The following POLD1 variants were observed in gnomAD, a reference collection of about 807,000 sequenced individuals.
POLD1 encodes DNA polymerase delta 1, catalytic subunit.
Under a neutral mutation model 129.7 loss-of-function variants are expected in POLD1, and 79 were observed. The ratio of observed to expected loss-of-function variants is 0.61; its 90% CI spans 0.51 to 0.73. The LOEUF is 0.73. Ranked by LOEUF, POLD1 falls within the 30% of genes least tolerant of loss-of-function variation. The probability of loss-of-function intolerance (pLI) is 0.00; values close to 1 mark genes in which losing one functional copy is unlikely to be tolerated. For missense variants in POLD1, 1,338 were observed against 1,595.8 expected (o/e 0.84, Z 2.75); for synonymous variants, 714 against 683.3 (o/e 1.04, Z -0.70).
At chr19:50,395,618 C>T (rs2038331633) in intron 1 of POLD1, among the ~76,000 whole-genome samples, 1 of 152,012 alleles carries the variant, frequency 6.6e-6, no homozygotes, top group African/African-American at 2.4e-5. Context: ...AGAACACCTG[C>T]ACGCCCTTTG....
At chr19:50,394,172 C>CTG (rs1323280767) in intron 1 of POLD1, 1 of 152,262 alleles carries the variant, frequency 6.6e-6, no homozygotes, top group South Asian at 2.1e-4. Context: ...GTTCCAGCCA[C>CTG]TGTGACGGGG....
rs375365167 is a variant in POLD1, at chr19:50,399,056, A to G, written c.202+3A>G. The G allele has an allele frequency of 9.0e-6, 14 of 1,551,710 alleles. No homozygotes were observed. The highest frequency in any genetic ancestry group is 1.2e-5 in the Non-Finnish European group (14 of 1,147,596). On this transcript the variant is annotated splice_donor_region_variant and intron_variant, in intron 2 of 26. Transcript: ENST00000440232. Reference sequence around the variant, plus strand: ...AGTCCTGGAGGGGGTTGCAGACGGTAAGGCTTGGAGTTGGAGGTTCCTGCT... The same window carrying G: ...AGTCCTGGAGGGGGTTGCAGACGGTGAGGCTTGGAGTTGGAGGTTCCTGCT...
intron 1 of POLD1, among the ~76,000 whole-genome samples, chr19:50,394,796 T>C (rs1433132283): frequency 1.3e-5 from 2 of 152,134 alleles, no homozygotes; most frequent in African/African-American, 2.4e-5. Flanking sequence ...AGTAATCCCC[T>C]CTGTCTCAGC....
At position 50,406,636 on chromosome 19, in the gene POLD1, G is replaced by A. The variant is rs1157498742; in HGVS notation, c.1494+119G>A. Reference sequence around the variant, plus strand: ...ACCTCACTCTTTGACCTGCTGTTATGACCTGTGACCTTACCTGACGCCCAC... The same window carrying A: ...ACCTCACTCTTTGACCTGCTGTTATAACCTGTGACCTTACCTGACGCCCAC... On this transcript the variant is annotated intron_variant, in intron 12 of 26. Coordinates refer to ENST00000440232, the MANE Select transcript of POLD1 (RefSeq NM_002691.4). This position sits in a 1 kb window ranked among gnomAD's most constrained non-coding sequence, Gnocchi z 5.5. The A allele has an allele frequency of 6.7e-6, 5 of 748,304 alleles. No homozygotes were observed. The highest frequency in any genetic ancestry group is 4.5e-6 in the Non-Finnish European group (2 of 440,210). The allele number at this position is 748,304 out of a possible 1,614,324, so 46.4% of individuals were successfully genotyped here. A position where few individuals can be genotyped will look rare whatever the true frequency, so the allele number is the denominator to read the frequency against.
At position 50,402,390 on chromosome 19, in the gene POLD1, A is replaced by G; in HGVS notation, c.758+17A>G. On this transcript the variant is annotated intron_variant, in intron 6 of 26. Coordinates refer to ENST00000440232, the MANE Select transcript of POLD1 (RefSeq NM_002691.4). The stretch of plus-strand genomic sequence containing the variant: ...TGAGATCCGGTACGGCCTCTGCCTC[A>G]CTTCTCCGGCCTCTATCCCCACCCT... 1 of 1,613,168 alleles carries G rather than the reference A, an allele frequency of 6.2e-7. No homozygotes were observed. Among genetic ancestry groups the G allele is most frequent in the Non-Finnish European group, 8.5e-7 (1 of 1,179,420 alleles).
At chr19:50,416,869 C>G (rs1448053373) in intron 24 of POLD1, 146 bp downstream of exon 24, 5 of 948,932 alleles carry the variant, frequency 5.3e-6, no homozygotes, top group Admixed American at 2.8e-5. Flanking sequence ...CCACCCCCCA[C>G]AGAGGGTCCT....
intron 23 of POLD1, 22 bp from the exon 24 acceptor site, chr19:50,416,588 C>A (rs2122494550): frequency 6.5e-7 from 1 of 1,549,444 alleles, no homozygotes; most frequent in Non-Finnish European, 8.7e-7. Context: ...CACCGGCCCA[C>A]CACCTGCCTC....
chr19:50,398,110 G>A (rs1292689826), intron 1 of POLD1, among the ~76,000 whole-genome samples: 2 of 152,086 alleles, frequency 1.3e-5, no homozygotes, highest in Non-Finnish European at 2.9e-5. Context: ...CTGACCACCG[G>A]GGAGCCTGGG....
rs1429055989 is a variant in POLD1, at chr19:50,387,854, A to G, written c.-2+3464A>G. The G allele has an allele frequency of 2.6e-5, 4 of 152,490 alleles. No homozygotes were observed. The East Asian group carries it at 5.8e-4, about 22-fold the overall frequency. 9.4% of individuals were successfully genotyped at this position (152,490 alleles called of 1,614,324 possible). On this transcript the variant is annotated intron_variant, in intron 1 of 26. Coordinates refer to ENST00000440232, the MANE Select transcript of POLD1 (RefSeq NM_002691.4). ...TCACCCAAAGAGCACAAACGCAGTC[A>G]AAGTCTTCCTCACACAAAACCCCCT...
intron 1 of POLD1, among the ~76,000 whole-genome samples, chr19:50,386,944 G>A (rs2123704019): frequency 6.6e-6 from 1 of 152,354 alleles, no homozygotes; most frequent in South Asian, 2.1e-4. Flanking sequence ...TGTAATCCCA[G>A]CACTTTGGGA....
chr19:50,410,333 C>T (rs1483882963), intron 17 of POLD1, among the ~76,000 whole-genome samples: 1 of 152,070 alleles, frequency 6.6e-6, no homozygotes, highest in Non-Finnish European at 1.5e-5. Flanking sequence ...CATTCCAGGC[C>T]AGTAGTTGTG....
Position 50,407,319 on chromosome 19 carries a change from C to T in POLD1, c.1687-8C>T. On this transcript the variant is annotated splice_region_variant and splice_polypyrimidine_tract_variant and intron_variant, in intron 13 of 26. Coordinates refer to ENST00000440232, the MANE Select transcript of POLD1 (RefSeq NM_002691.4). The stretch of plus-strand genomic sequence containing the variant: ...ACCCACTCCATTTCCCACCTTCTCC[C>T]CTCCCAGGCCATGCACGAGGGGCTG... 1 of 1,610,514 alleles carries T rather than the reference C, an allele frequency of 6.2e-7. No individual in the cohort carries two copies. Among genetic ancestry groups the T allele is most frequent in the Non-Finnish European group, 8.5e-7 (1 of 1,177,774 alleles).
rs3218764 is a variant in POLD1 at position 50,406,148 on chromosome 19, G to T, written c.1243-34G>T. 1.9e-6 allele frequency: 3 copies of T among 1,600,294 alleles called. No individual in the cohort carries two copies. The highest frequency in any genetic ancestry group is 2.6e-6 in the Non-Finnish European group (3 of 1,170,694). ...CTTCAGGCTTATGTGACGGGGACCCGCAGCCTGCTGCACACCCTGCCTCTC... is the reference window on the plus strand; with the variant it reads ...CTTCAGGCTTATGTGACGGGGACCCTCAGCCTGCTGCACACCCTGCCTCTC... On this transcript the variant is annotated intron_variant, in intron 10 of 26. Transcript: ENST00000440232. The surrounding 1 kb of genome is among the most constrained non-coding windows in gnomAD (Gnocchi z 5.5).
intron 24 of POLD1, 135 bp from the exon 25 acceptor site, chr19:50,416,910 G>C: frequency 8.8e-7 from 1 of 1,142,414 alleles, no homozygotes; most frequent in East Asian, 2.6e-5. Flanking sequence ...CCCCAGGGGA[G>C]TTTTCCCAGC....
At chr19:50,399,156 C>A in intron 2 of POLD1, 103 bp downstream of exon 2, 1 of 1,514,568 alleles carries the variant, frequency 6.6e-7, no homozygotes. Flanking sequence ...CCCACTCTGG[C>A]CAATTTTGAA....
At chr19:50,411,301 G>A (rs1568633000) in intron 17 of POLD1, among the ~76,000 whole-genome samples, 2 of 151,956 alleles carry the variant, frequency 1.3e-5, no homozygotes, top group South Asian at 2.1e-4. Flanking sequence ...CACAGTCCCC[G>A]GCTGCCTCCC....
Position 50,415,770 on chromosome 19 carries a change from G to T in POLD1, c.2764G>T (p.Val922Phe). The change falls in exon 22 of 27, where the codon GTC becomes TTC. Residue 922 changes from valine to phenylalanine, a missense_variant. Physicochemically the swap from Val to Phe is conservative, Grantham distance 50 (BLOSUM62 -1). Coordinates refer to ENST00000440232, the MANE Select transcript of POLD1 (RefSeq NM_002691.4). ...GAGTGCGCCCAGCCTGGGCGACCGC[G>T]TCCCCTACGTGATCATCAGTGCCGC... ...PGSAPSLGDR[V>F]PYVIISAAKG... 6.5e-7 allele frequency: 1 copy of T among 1,542,158 alleles called. No individual in the cohort carries two copies. The highest frequency in any genetic ancestry group is 1.9e-5 in the Admixed American group (1 of 53,428).
rs756586628 is a variant in POLD1 at position 50,409,275 on chromosome 19, TG to T, written c.2006+44del. On this transcript the variant is annotated intron_variant, in intron 16 of 26. Transcript: ENST00000440232. The surrounding 1 kb of genome is among the most constrained non-coding windows in gnomAD (Gnocchi z 5.8). ...TCGCCTGCTTGGAGCTCAGACCTGT[TG>T]GGGCCTCTGGGCAATCCCTGTCCCT... 6.4e-6 allele frequency: 9 copies of T among 1,411,962 alleles called. No individual in the cohort carries two copies. The Admixed American group carries it at 1.5e-4, about 24-fold the overall frequency. The allele number at this position is 1,411,962 out of a possible 1,614,324, so 87.5% of individuals were successfully genotyped here.
intron 3 of POLD1, among the ~76,000 whole-genome samples, chr19:50,401,285 CAT>C (rs200689006): frequency 0.032 from 4,267 of 133,180 alleles, 100 homozygotes; most frequent in Non-Finnish European, 0.047. Context: ...TTATGTATAA[CAT>C]ATATTATATA....
Sources: allele counts gnomAD v4.1 joint callset (sites outside exome capture counted in the v4.1 genomes callset), GRCh38; gene constraint gnomAD v4.1.1; non-coding constraint Gnocchi (gnomAD v3.1); transcripts MANE v1.5; gene names NCBI Gene and HGNC (gene_info 2026-07-23, HGNC 2026-07-21).